The following GLIS3 variants were observed in gnomAD, a reference collection of about 807,000 sequenced individuals.
The protein encoded by GLIS3 is zinc finger protein GLIS3.
In GLIS3, 53 loss-of-function variants were observed where a neutral mutation model predicts 78.6. The ratio of observed to expected loss-of-function variants is 0.67; its 90% CI spans 0.54 to 0.85. The LOEUF (loss-of-function observed/expected upper bound fraction) is 0.85. GLIS3 is among the 40% of genes least tolerant of loss of function. GLIS3 has a pLI of 0.00. For synonymous variants in GLIS3, 684 were observed against 509.9 expected (o/e 1.34, Z -4.60); for missense variants, 1,703 against 1,231.1 (o/e 1.38, Z -5.74).
the GLIS3 span, among the ~76,000 whole-genome samples, chr9:4,489,548 A>C: frequency 6.6e-6 from 1 of 152,074 alleles, no homozygotes; most frequent in Non-Finnish European, 1.5e-5. Context: ...TGTATACGTG[A>C]GAGTGAAAAA....
chr9:4,283,876 G>A (rs1827768031), intron 2 of GLIS3, among the ~76,000 whole-genome samples: 1 of 152,184 alleles, frequency 6.6e-6, no homozygotes, highest in African/African-American at 2.4e-5. Flanking sequence ...TAATACAGCT[G>A]TCCTCTACCC....
At chr9:4,344,755 G>A (rs1332069135) in intron 2 of GLIS3, among the ~76,000 whole-genome samples, 1 of 152,098 alleles carries the variant, frequency 6.6e-6, no homozygotes, top group East Asian at 1.9e-4. Flanking sequence ...TCCTAAAATA[G>A]GTCCCTTACC....
intron 4 of GLIS3, among the ~76,000 whole-genome samples, chr9:4,057,007 G>A (rs1826209034): frequency 6.8e-6 from 1 of 147,472 alleles, no homozygotes; most frequent in African/African-American, 2.5e-5. Context: ...ATTATCTAGT[G>A]CATTATCTGC....
At chr9:3,889,663 A>C (rs1822294773) in intron 7 of GLIS3, among the ~76,000 whole-genome samples, 1 of 152,248 alleles carries the variant, frequency 6.6e-6, no homozygotes, top group African/African-American at 2.4e-5. Flanking sequence ...AGTATAAAAC[A>C]GGGCTTGGCA....
intron 2 of GLIS3, among the ~76,000 whole-genome samples, chr9:4,180,110 C>T (rs1406813502): frequency 6.6e-6 from 1 of 152,036 alleles, no homozygotes; most frequent in African/African-American, 2.4e-5. Context: ...CAAGGCTGAG[C>T]TGGGGAGAGT....
At chr9:4,125,489 G>A (rs920724363) in intron 3 of GLIS3, among the ~76,000 whole-genome samples, 1 of 152,042 alleles carries the variant, frequency 6.6e-6, no homozygotes, top group African/African-American at 2.4e-5. Context: ...TCTCAAATTA[G>A]GTATTCATGT....
chr9:4,358,131 T>C, the GLIS3 span, among the ~76,000 whole-genome samples: 1 of 152,230 alleles, frequency 6.6e-6, no homozygotes, highest in African/African-American at 2.4e-5. Flanking sequence ...TGTATGTACA[T>C]ATCCATATGT....
At chr9:4,298,038 G>A (rs1270871841) in intron 1 of GLIS3, among the ~76,000 whole-genome samples, 3 of 152,154 alleles carry the variant, frequency 2.0e-5, no homozygotes, top group South Asian at 2.1e-4. Flanking sequence ...CCTCGGCCCC[G>A]TGCGCGAGCG....
At chr9:3,979,376 G>C (rs987192582) in intron 4 of GLIS3, among the ~76,000 whole-genome samples, 2 of 152,224 alleles carry the variant, frequency 1.3e-5, no homozygotes, top group Admixed American at 1.3e-4. Context: ...CTCATAGACA[G>C]GACTAACATC....
At chr9:3,834,993 C>A (rs939476429) in intron 9 of GLIS3, among the ~76,000 whole-genome samples, 2 of 152,192 alleles carry the variant, frequency 1.3e-5, no homozygotes, top group Non-Finnish European at 1.5e-5. Flanking sequence ...CTCCATTTAT[C>A]CTACCATATG....
chr9:4,380,827 C>G, the GLIS3 span, among the ~76,000 whole-genome samples: 1,827 of 152,180 alleles, frequency 0.012, 35 homozygotes, highest in African/African-American at 0.042. Flanking sequence ...AAGACCCTCC[C>G]AAGAATAGAA....
At chr9:4,089,961 G>C (rs867596073) in intron 4 of GLIS3, among the ~76,000 whole-genome samples, 1 of 152,216 alleles carries the variant, frequency 6.6e-6, no homozygotes, top group African/African-American at 2.4e-5. Context: ...CTCCCACTGT[G>C]TGCCATGCCC....
At chr9:4,071,336 G>A (rs1310371898) in intron 4 of GLIS3, 1 of 151,318 alleles carries the variant, frequency 6.6e-6, no homozygotes, top group Non-Finnish European at 1.5e-5. Context: ...TCTCTCTCCC[G>A]ATTTTTCAAG....
chr9:4,352,179 A>G (rs768449207), upstream of GLIS3, among the ~76,000 whole-genome samples: 1 of 152,234 alleles, frequency 6.6e-6, no homozygotes, highest in Non-Finnish European at 1.5e-5. Flanking sequence ...ATAAAAAAAT[A>G]CAGTCATTGT....
chr9:4,352,292 G>C (rs1046684117), upstream of GLIS3, among the ~76,000 whole-genome samples: 27 of 152,344 alleles, frequency 1.8e-4, no homozygotes, highest in Non-Finnish European at 3.7e-4. Context: ...TATGGCTCAG[G>C]AACAAGGGAG....
the GLIS3 span, among the ~76,000 whole-genome samples, chr9:4,405,176 G>C: frequency 2.6e-5 from 4 of 152,166 alleles, no homozygotes; most frequent in East Asian, 7.7e-4. Context: ...CCAACATGGA[G>C]AAATCCCATC....
the GLIS3 span, among the ~76,000 whole-genome samples, chr9:4,433,104 G>A: frequency 6.6e-6 from 1 of 152,080 alleles, no homozygotes; most frequent in African/African-American, 2.4e-5. Context: ...TTCAGTTATC[G>A]AGCTATATAA....
At chr9:3,829,744 A>C (rs1342388628) in intron 9 of GLIS3, among the ~76,000 whole-genome samples, 1 of 152,160 alleles carries the variant, frequency 6.6e-6, no homozygotes, top group Non-Finnish European at 1.5e-5. Flanking sequence ...TGAAGTGGGA[A>C]GGCTTCTTAC....
rs113879775 is a variant in GLIS3, at chr9:4,156,943, C to T, written c.389-31002G>A. 1.7e-3 allele frequency among the ~76,000 whole-genome samples: 255 copies of T among 152,294 alleles called. 4 individuals carry two copies. Among genetic ancestry groups the T allele is most frequent in the African/African-American group, 5.6e-3 (232 of 41,564 alleles). ...AAATGCAAAGTTTCTGTCCTCACTC[C>T]ATATCTACCGAATCAGAAACCTGGG... On this transcript the variant is annotated intron_variant, in intron 2 of 10. Coordinates refer to ENST00000381971, the MANE Select transcript of GLIS3 (RefSeq NM_001042413.2).
Sources: gnomAD v4.1 joint callset for allele counts (sites outside exome capture counted in the v4.1 genomes callset) on GRCh38, gnomAD v4.1.1 for gene constraint, MANE v1.5 for transcripts, NCBI Gene and HGNC (gene_info 2026-07-23, HGNC 2026-07-21) for gene names.